Variants in DNAH17 observed in about 807,000 individuals in gnomAD.
DNAH17 encodes axonemal beta dynein heavy chain 17.
DNAH17 carries 376 observed loss-of-function variants against 485.6 expected under a neutral mutation model. That is an observed-to-expected ratio of 0.77 (90% CI 0.71 to 0.84). The LOEUF is 0.84. Ranked by LOEUF, DNAH17 falls within the 40% of genes least tolerant of loss-of-function variation. The probability of loss-of-function intolerance (pLI) is 0.00; values close to 1 mark genes in which losing one functional copy is unlikely to be tolerated. For missense variants in DNAH17, 6,370 were observed against 5,839.3 expected (o/e 1.09, Z -2.96); for synonymous variants, 3,031 against 2,405.9 (o/e 1.26, Z -7.60).
chr17:78,495,437 G>GT (rs147600821), intron 38 of DNAH17, among the ~76,000 whole-genome samples: 3,363 of 134,952 alleles, frequency 0.025, 48 homozygotes, highest in African/African-American at 0.042. Context: ...TCCTGGGAGT[G>GT]TTTTTTTTTT....
intron 69 of DNAH17, among the ~76,000 whole-genome samples, chr17:78,447,972 G>A (rs1046957020): frequency 6.6e-5 from 10 of 152,108 alleles, no homozygotes; most frequent in African/African-American, 2.4e-4. Context: ...GGGAGTTCGA[G>A]ACCAGCCTGA....
At chr17:78,456,386 C>T (rs368896161) in intron 62 of DNAH17, among the ~76,000 whole-genome samples, 3 of 152,016 alleles carry the variant, frequency 2.0e-5, no homozygotes, top group African/African-American at 4.8e-5. Flanking sequence ...CCAAGTCACC[C>T]GCATTGACAC....
chr17:78,458,968 G>A (rs1310622122), intron 61 of DNAH17, 33 bp downstream of exon 61: 1 of 1,610,212 alleles, frequency 6.2e-7, no homozygotes, highest in Admixed American at 1.7e-5. Flanking sequence ...CGGCTCTGGT[G>A]TTTCGCAGGG....
intron 32 of DNAH17, 52 bp from the exon 33 acceptor site, chr17:78,502,750 G>C: frequency 6.3e-7 from 1 of 1,598,612 alleles, no homozygotes; most frequent in South Asian, 1.1e-5. Context: ...GCTGGCGCCT[G>C]CTAACGCAGA....
Position 78,571,602 on chromosome 17 carries a change from G to A in DNAH17, c.720C>T (p.Cys240=), listed in dbSNP as rs763476460. The change falls in exon 4 of 81, where the codon TGC becomes TGT. Residue 240 remains cysteine (C), a synonymous_variant. Coordinates refer to ENST00000389840, the MANE Select transcript of DNAH17 (RefSeq NM_173628.4). The stretch of plus-strand genomic sequence containing the variant: ...GAGGAGGCCGTACCTGTTCATGGAT[G>A]CACTTGAGGTTCAGCAGCCGAGTGT... ...FWDTRLLNLK[C]IHEQLNRPKV... 6.8e-6 allele frequency: 11 copies of A among 1,613,812 alleles called. No individual in the cohort carries two copies. In the East Asian group the frequency reaches 1.1e-4, roughly 16 times the overall value.
At chr17:78,477,168 G>A (rs1240322945) in intron 51 of DNAH17, among the ~76,000 whole-genome samples, 1 of 152,200 alleles carries the variant, frequency 6.6e-6, no homozygotes, top group East Asian at 1.9e-4. Context: ...TGAGGGCCTG[G>A]AATTTCCCAG....
rs117936045 is a variant in DNAH17 at position 78,494,063 on chromosome 17, G to A, written c.6381C>T (p.Val2127=). 8 of 1,612,900 alleles carry A rather than the reference G, an allele frequency of 5.0e-6. No individual in the cohort carries two copies. Among genetic ancestry groups the A allele is most frequent in the East Asian group, 4.5e-5 (2 of 44,862 alleles). Reference sequence around the variant, plus strand: ...GAGATTTGCCGCTGCCCGCATTCCCGACGATGAACACGGAGTGGCGGACCT... The same window carrying A: ...GAGATTTGCCGCTGCCCGCATTCCCAACGATGAACACGGAGTGGCGGACCT... ...LLQVRHSVFI[V]GNAGSGKSQV... is the part of the protein sequence containing the mutation. Residue 2127 remains valine, a synonymous_variant, in exon 41 of 81, where the codon GTC becomes GTT. Transcript: ENST00000389840.
At chr17:78,477,624 G>GTGAT (rs1568116415) in intron 51 of DNAH17, among the ~76,000 whole-genome samples, 2 of 152,168 alleles carry the variant, frequency 1.3e-5, no homozygotes, top group East Asian at 3.9e-4. Context: ...TGATCTGCCC[G>GTGAT]CCTTGGCCTC....
chr17:78,522,479 T>G (rs2090958106), intron 25 of DNAH17: 2 of 327,768 alleles, frequency 6.1e-6, no homozygotes, highest in Non-Finnish European at 1.2e-5. Context: ...ATCAAGCTCC[T>G]GAAGCACAAG....
rs11290299 is a variant in DNAH17, at chr17:78,484,095, C to CAAA, written c.7649+770_7649+772dup. 1.8e-3 allele frequency among the ~76,000 whole-genome samples: 71 copies of CAAA among 38,400 alleles called. 4 individuals are homozygous for CAAA. The highest frequency in any genetic ancestry group is 5.7e-3 in the African/African-American group (49 of 8,642). The allele number at this position is 38,400 out of a possible 152,430, so 25.2% of individuals were successfully genotyped here. A position where few individuals can be genotyped will look rare whatever the true frequency, so the allele number is the denominator to read the frequency against. ...TGAGAGACAGAGCGAGATTTCTCCT[C>CAAA]AAAAAAAAAAAAAAAAAAAAAAAAA... is the stretch of plus-strand genomic sequence containing the variant. On this transcript the variant is annotated intron_variant, in intron 48 of 80. Transcript: ENST00000389840.
At position 78,501,251 on chromosome 17, in the gene DNAH17, G is replaced by C; in HGVS notation, c.5416C>G (p.Gln1806Glu). 1 of 1,608,910 alleles carries C rather than the reference G, an allele frequency of 6.2e-7. No individual in the cohort carries two copies. The highest frequency in any genetic ancestry group is 8.5e-7 in the Non-Finnish European group (1 of 1,175,796). The change falls in exon 35 of 81, where the codon CAA (glutamine) becomes GAA (glutamate). Residue 1806 changes from glutamine (Q) to glutamate (E), a missense_variant. By Grantham distance (29) the Gln-to-Glu change is conservative. Transcript: ENST00000389840. ...RHCFANICDA[Q>E]IQYSYEYLGN... is the part of the protein sequence containing the mutation. The stretch of plus-strand genomic sequence containing the variant: ...AGATACTCATAGGAATACTGGATTT[G>C]GGCATCGCAGATGTTGGCAAAGCAG...
chr17:78,534,151 C>G (rs946880078), intron 19 of DNAH17, among the ~76,000 whole-genome samples: 10 of 152,230 alleles, frequency 6.6e-5, no homozygotes. Context: ...AACTCTCACA[C>G]CAAGCCAGTA....
At position 78,525,170 on chromosome 17, in the gene DNAH17, G is replaced by T; in HGVS notation, c.3712-9C>A. On this transcript the variant is annotated splice_polypyrimidine_tract_variant and intron_variant, in intron 24 of 80. Transcript: ENST00000389840. The stretch of plus-strand genomic sequence containing the variant: ...GAGATGCTCTTTTGTTGCTAGGGGC[G>T]GCGAGGGGGCCGTCAGTAGGGCTAC... 1 of 1,610,772 alleles carries T rather than the reference G, an allele frequency of 6.2e-7. No homozygotes were observed. Among genetic ancestry groups the T allele is most frequent in the Non-Finnish European group, 8.5e-7 (1 of 1,178,652 alleles).
Position 78,434,038 on chromosome 17 carries a change from G to A in DNAH17, c.12216C>T (p.Ala4072=), listed in dbSNP as rs370196898. 279 of 1,605,550 alleles carry A rather than the reference G, an allele frequency of 1.7e-4. No homozygotes were observed. The highest frequency in any genetic ancestry group is 2.2e-4 in the Non-Finnish European group (258 of 1,174,872). The change falls in exon 75 of 81, where the codon GCC becomes GCT. Residue 4072 remains alanine (A), a synonymous_variant. Coordinates refer to ENST00000389840, the MANE Select transcript of DNAH17 (RefSeq NM_173628.4). The stretch of plus-strand genomic sequence containing the variant: ...ACACACAGCCCCTCACCTTGGGGTT[G>A]GCCTCCAGGTAGTTGTAGAGCACGT... ...SINVLYNYLE[A]NPKVPWDDLR...
chr17:78,436,984 G>A (rs2086870108), intron 74 of DNAH17, among the ~76,000 whole-genome samples: 1 of 152,150 alleles, frequency 6.6e-6, no homozygotes, highest in Admixed American at 6.6e-5. Context: ...TGCAGAAGTG[G>A]GATCCCAGCC....
In DNAH17 at chr17:78,479,540, G is replaced by A; in HGVS notation, c.7845C>T (p.Arg2615=). The A allele has an allele frequency of 6.2e-7, 1 of 1,613,680 alleles. No homozygotes were observed. Among genetic ancestry groups the A allele is most frequent in the Non-Finnish European group, 8.5e-7 (1 of 1,179,892 alleles). Residue 2615 remains arginine (R), a synonymous_variant, in exon 50 of 81, where the codon CGC becomes CGT. Coordinates refer to ENST00000389840, the MANE Select transcript of DNAH17 (RefSeq NM_173628.4). ...TCCTCTGGATAGCCATGGAGACCGA[G>A]CGGAAGGCCAGGTGCTGCGTCAGGA... is the stretch of plus-strand genomic sequence containing the variant. ...NTILTQHLAF[R]SVSMAIQRIS...
chr17:78,562,702 A>G (rs1343598706), intron 11 of DNAH17, among the ~76,000 whole-genome samples: 2 of 152,222 alleles, frequency 1.3e-5, no homozygotes, highest in African/African-American at 4.8e-5. Flanking sequence ...CTGGGCTTCT[A>G]CTCTGATACA....
rs922701669 is a variant in DNAH17, at chr17:78,575,696, G to T, written c.-25-614C>A. On this transcript the variant is annotated intron_variant, in intron 1 of 80. Coordinates refer to ENST00000389840, the MANE Select transcript of DNAH17 (RefSeq NM_173628.4). ...ATTCCTGACAGACCCCTCACAAGCT[G>T]CTCAGATGCTCGGGGGTAGGGTTAA... 2.0e-5 allele frequency among the ~76,000 whole-genome samples: 3 copies of T among 152,090 alleles called. No individual in the cohort carries two copies. In the East Asian group the frequency reaches 5.8e-4, roughly 29 times the overall value.
At position 78,552,747 on chromosome 17, in the gene DNAH17, A is replaced by G. The variant is rs148203297; in HGVS notation, c.2237T>C (p.Ile746Thr). ...TTCAGCGCTCAATAACTTGACATCAATTGCTTCCAGTTCTGACTTTATTAG... is the reference window on the plus strand; with the variant it reads ...TTCAGCGCTCAATAACTTGACATCAGTTGCTTCCAGTTCTGACTTTATTAG... ...FLLIKSELEAIDVKLLSAETT... is the reference protein window; with the variant it reads ...FLLIKSELEATDVKLLSAETT... Residue 746 changes from isoleucine (I) to threonine (T), a missense_variant, in exon 15 of 81, where the codon ATT becomes ACT. By Grantham distance (89) the Ile-to-Thr change is moderately conservative. Transcript: ENST00000389840. The G allele has an allele frequency of 8.1e-6, 13 of 1,613,724 alleles. No individual in the cohort carries two copies. Among genetic ancestry groups the G allele is most frequent in the Non-Finnish European group, 1.1e-5 (13 of 1,179,836 alleles).
Sources: gnomAD v4.1 joint callset for allele counts (sites outside exome capture counted in the v4.1 genomes callset) on GRCh38, gnomAD v4.1.1 for gene constraint, MANE v1.5 for transcripts, NCBI Gene and HGNC (gene_info 2026-07-23, HGNC 2026-07-21) for gene names.